The following IL22RA1 variants were observed in gnomAD, a reference collection of about 807,000 sequenced individuals.
IL22RA1 encodes interleukin 22 receptor subunit alpha 1.
In IL22RA1, 25 loss-of-function variants were observed where a neutral mutation model predicts 32.8. That is an observed-to-expected ratio of 0.76 (90% CI 0.55 to 1.06). IL22RA1 has a LOEUF of 1.06. Ranked by LOEUF, IL22RA1 falls within the 50% of genes least tolerant of loss-of-function variation. The pLI is 0.00. For missense variants in IL22RA1, 709 were observed against 727.4 expected (o/e 0.97, Z 0.29); for synonymous variants, 305 against 305.0 (o/e 1.00, Z 0.00).
At chr1:24,136,758 A>G (rs1644245051) in intron 3 of IL22RA1, among the ~76,000 whole-genome samples, 1 of 152,142 alleles carries the variant, frequency 6.6e-6, no homozygotes, top group Non-Finnish European at 1.5e-5. Flanking sequence ...AGCTGAGAAG[A>G]GAAGGTGGGA....
intron 5 of IL22RA1, among the ~76,000 whole-genome samples, chr1:24,125,230 C>T (rs75492368): frequency 0.069 from 10,466 of 152,168 alleles, 502 homozygotes; most frequent in Non-Finnish European, 0.1. Context: ...GGGGTAGGGA[C>T]GCTCCCTTCC....
At chr1:24,127,109 T>C (rs550341213) in intron 5 of IL22RA1, among the ~76,000 whole-genome samples, 26 of 151,616 alleles carry the variant, frequency 1.7e-4, no homozygotes, top group Non-Finnish European at 1.6e-4. Context: ...TTCTTGAAAC[T>C]GGGAAGCAGA....
rs150394944 is a variant in IL22RA1, at chr1:24,138,384, C to T, written c.176+198G>A. On this transcript the variant is annotated intron_variant, in intron 2 of 6. Transcript: ENST00000270800. The stretch of plus-strand genomic sequence containing the variant: ...CGGCATTTAAGCCCAGACAGCCTGA[C>T]CCTATCACCTGTACTTTTTACCCTT... 2.3e-4 allele frequency among the ~76,000 whole-genome samples: 35 copies of T among 152,274 alleles called. 1 individual carries two copies. The highest frequency in any genetic ancestry group is 8.2e-4 in the African/African-American group (34 of 41,558).
chr1:24,120,629 C>G lies in IL22RA1; in HGVS notation c.*176G>C. ...CAGTCCTTATCATGCTGCTTTGCTCCGGTGAGGAGCGCACCCATGGCAGGG... is the reference window on the plus strand; with the variant it reads ...CAGTCCTTATCATGCTGCTTTGCTCGGGTGAGGAGCGCACCCATGGCAGGG... On this transcript the variant is annotated 3_prime_UTR_variant, in exon 7 of 7. Transcript: ENST00000270800. 1.6e-6 allele frequency: 1 copy of G among 619,004 alleles called. No homozygotes were observed. Among genetic ancestry groups the G allele is most frequent in the Non-Finnish European group, 2.8e-6 (1 of 356,952 alleles). The allele number at this position is 619,004 out of a possible 1,614,324, so 38.3% of individuals were successfully genotyped here.
Position 24,121,035 on chromosome 1 carries a change from G to A in IL22RA1, c.1495C>T (p.Leu499Phe), listed in dbSNP as rs1237547042. Residue 499 changes from leucine to phenylalanine, a missense_variant, in exon 7 of 7, where the codon CTC becomes TTC. By Grantham distance (22) the Leu-to-Phe change is conservative. Transcript: ENST00000270800. ...PQYLKGQLPL[L>F]SSVQIEGHPM... ...TGGCCCTCGATCTGGACTGAGGAGA[G>A]GAGGGGGAGCTGGCCCTTTAGGTAC... 6.2e-6 allele frequency: 10 copies of A among 1,614,092 alleles called. No individual in the cohort carries two copies. Among genetic ancestry groups the A allele is most frequent in the Non-Finnish European group, 8.5e-6 (10 of 1,180,032 alleles).
In IL22RA1 at chr1:24,120,695, G is replaced by C; in HGVS notation, c.*110C>G. On this transcript the variant is annotated 3_prime_UTR_variant, in exon 7 of 7. Coordinates refer to ENST00000270800, the MANE Select transcript of IL22RA1 (RefSeq NM_021258.4). ...CCCTCTGCTTCTCTCAAGGGCACCC[G>C]TCTGAGGCCAGATCGCAGAGTGTGT... is the stretch of plus-strand genomic sequence containing the variant. 2 of 1,088,034 alleles carry C rather than the reference G, an allele frequency of 1.8e-6. No individual in the cohort carries two copies. The allele number at this position is 1,088,034 out of a possible 1,614,324, so 67.4% of individuals were successfully genotyped here. A position where few individuals can be genotyped will look rare whatever the true frequency, so the allele number is the denominator to read the frequency against.
chr1:24,136,874 G>A (rs1002065420), intron 3 of IL22RA1, among the ~76,000 whole-genome samples: 1 of 152,060 alleles, frequency 6.6e-6, no homozygotes, highest in Non-Finnish European at 1.5e-5. Flanking sequence ...GACTGCAGTC[G>A]GGGGTCAAGA....
Position 24,123,648 on chromosome 1 carries a change from C to T in IL22RA1, c.671-225G>A, listed in dbSNP as rs976206550. On this transcript the variant is annotated intron_variant, in intron 5 of 6. Coordinates refer to ENST00000270800, the MANE Select transcript of IL22RA1 (RefSeq NM_021258.4). ...TACACTGTTAAATAAATAAAATGTT[C>T]GAGGTTTCCACCTTAACAAAAAGAT... 1.4e-4 allele frequency: 146 copies of T among 1,043,220 alleles called. No homozygotes were observed. In the African/African-American group the frequency reaches 1.5e-3, roughly 10 times the overall value. The allele number at this position is 1,043,220 out of a possible 1,614,324, so 64.6% of individuals were successfully genotyped here. A position where few individuals can be genotyped will look rare whatever the true frequency, so the allele number is the denominator to read the frequency against.
chr1:24,128,966 G>A (rs1644183984), intron 4 of IL22RA1, among the ~76,000 whole-genome samples: 1 of 152,188 alleles, frequency 6.6e-6, no homozygotes, highest in African/African-American at 2.4e-5. Flanking sequence ...AGCCCACCTG[G>A]CTCTGCAGGC....
Position 24,134,317 on chromosome 1 carries a change from G to A in IL22RA1, c.425C>T (p.Thr142Ile). 1.2e-6 allele frequency: 2 copies of A among 1,606,232 alleles called. No homozygotes were observed. Among genetic ancestry groups the A allele is most frequent in the African/African-American group, 1.3e-5 (1 of 74,418 alleles). ...VRSIQMIVHP[T>I]PTPIRAGDGH... The stretch of plus-strand genomic sequence containing the variant: ...ATCGCCTGCACGGATTGGCGTGGGG[G>A]TAGGATGAACAATCATCTGAATCGA... The change falls in exon 4 of 7, where the codon ACC becomes ATC. Residue 142 changes from threonine (T) to isoleucine (I), a missense_variant. Physicochemically the swap from Thr to Ile is moderately conservative, Grantham distance 89. Coordinates refer to ENST00000270800, the MANE Select transcript of IL22RA1 (RefSeq NM_021258.4).
Position 24,138,692 on chromosome 1 carries a change from C to T in IL22RA1, c.66G>A (p.Ser22=), listed in dbSNP as rs147291131. ...GGAATTTCACGTGCTGGAGCAGATC[C>T]GAGGGGTCCTCAGGGGCGTGAGCTG... is the stretch of plus-strand genomic sequence containing the variant. ...SLAAHAPEDP[S]DLLQHVKFQS... The change falls in exon 2 of 7, where the codon TCG becomes TCA. Residue 22 remains serine (S), a synonymous_variant. Coordinates refer to ENST00000270800, the MANE Select transcript of IL22RA1 (RefSeq NM_021258.4). The T allele has an allele frequency of 3.7e-5, 60 of 1,614,016 alleles. 1 individual carries two copies. The highest frequency in any genetic ancestry group is 5.5e-5 in the South Asian group (5 of 91,074).
chr1:24,129,084 C>T (rs961750889), intron 4 of IL22RA1, among the ~76,000 whole-genome samples: 1 of 152,160 alleles, frequency 6.6e-6, no homozygotes, highest in Non-Finnish European at 1.5e-5. Context: ...TTTTGATTCT[C>T]GTTCTTCTGT....
intron 6 of IL22RA1, among the ~76,000 whole-genome samples, chr1:24,122,878 G>A (rs1644134828): frequency 6.6e-6 from 1 of 152,134 alleles, no homozygotes; most frequent in Non-Finnish European, 1.5e-5. Context: ...TGAAACTCTG[G>A]CTTCTCTTGA....
rs78759541 is a variant in IL22RA1 at position 24,128,905 on chromosome 1, C to T, written c.532-626G>A. Among the ~76,000 whole-genome samples, 147 of 152,322 alleles carry T rather than the reference C, an allele frequency of 9.7e-4. 9 individuals carry two copies. The East Asian group carries it at 0.022, about 23-fold the overall frequency. On this transcript the variant is annotated intron_variant, in intron 4 of 6. Coordinates refer to ENST00000270800, the MANE Select transcript of IL22RA1 (RefSeq NM_021258.4). ...GCTTTGATGGCCTCACCCATATTTA[C>T]AGAATAGAGTCCTGGTGCCTGGCTT...
intron 1 of IL22RA1, among the ~76,000 whole-genome samples, chr1:24,140,480 G>C (rs1557632443): frequency 6.6e-6 from 1 of 152,172 alleles, no homozygotes; most frequent in African/African-American, 2.4e-5. Flanking sequence ...GATGAATTTA[G>C]GGAGGAGGAG....
intron 4 of IL22RA1, among the ~76,000 whole-genome samples, chr1:24,128,895 C>A (rs189432378): frequency 1.3e-5 from 2 of 152,160 alleles, no homozygotes; most frequent in East Asian, 3.8e-4. Flanking sequence ...GATGGCCTCA[C>A]CCATATTTAC....
chr1:24,128,265 C>T lies in IL22RA1; in HGVS notation c.546G>A (p.Lys182=). ...GGCCGAAGAACTCATATTCTCTCTG[C>T]TTCCCTCCAAGGTGCTGAATTGGAC... ...NRTYQMHLGG[K]QREYEFFGLT... The change falls in exon 5 of 7, where the codon AAG becomes AAA. Residue 182 remains lysine (K), a synonymous_variant. Transcript: ENST00000270800. 1 of 1,613,454 alleles carries T rather than the reference C, an allele frequency of 6.2e-7. No individual in the cohort carries two copies. The highest frequency in any genetic ancestry group is 8.5e-7 in the Non-Finnish European group (1 of 1,179,712).
Position 24,136,315 on chromosome 1 carries a change from C to T in IL22RA1, c.355+816G>A, listed in dbSNP as rs184921670. Reference sequence around the variant, plus strand: ...GGGCTGGGAATGCAGTGGATTCTGCCGCCCACACATACAGTTCTAGAGCTC... The same window carrying T: ...GGGCTGGGAATGCAGTGGATTCTGCTGCCCACACATACAGTTCTAGAGCTC... On this transcript the variant is annotated intron_variant, in intron 3 of 6. Coordinates refer to ENST00000270800, the MANE Select transcript of IL22RA1 (RefSeq NM_021258.4). Among the ~76,000 whole-genome samples, 6 of 152,304 alleles carry T rather than the reference C, an allele frequency of 3.9e-5. No homozygotes were observed. In the East Asian group the frequency reaches 5.8e-4, roughly 15 times the overall value.
rs1251972494 is a variant in IL22RA1, at chr1:24,121,231, T to C, written c.1299A>G (p.Lys433=). 1.2e-6 allele frequency: 2 copies of C among 1,614,232 alleles called. No homozygotes were observed. Among genetic ancestry groups the C allele is most frequent in the Non-Finnish European group, 1.7e-6 (2 of 1,180,042 alleles). ...ACATGCAGCTTCCAGCTGGTGGCTCTTTCTGAAGCTGACCTTTAGGCCTAA... is the reference window on the plus strand; with the variant it reads ...ACATGCAGCTTCCAGCTGGTGGCTCCTTCTGAAGCTGACCTTTAGGCCTAA... ...KHLRPKGQLQ[K]EPPAGSCMLG... Residue 433 remains lysine, a synonymous_variant, in exon 7 of 7, where the codon AAA becomes AAG. Transcript: ENST00000270800.
Sources: allele counts gnomAD v4.1 joint callset (sites outside exome capture counted in the v4.1 genomes callset), GRCh38; gene constraint gnomAD v4.1.1; transcripts MANE v1.5; gene names NCBI Gene and HGNC (gene_info 2026-07-23, HGNC 2026-07-21).